The following ASPG variants were observed in gnomAD, a reference collection of about 807,000 sequenced individuals.
ASPG encodes the protein 60 kDa lysophospholipase.
Under a neutral mutation model 63.2 loss-of-function variants are expected in ASPG, and 53 were observed. The ratio of observed to expected loss-of-function variants is 0.84; its 90% CI spans 0.67 to 1.05. The LOEUF is 1.05. ASPG is among the 50% of genes least tolerant of loss of function. ASPG has a pLI of 0.00. For synonymous variants in ASPG, 370 were observed against 355.0 expected (o/e 1.04, Z -0.48); for missense variants, 741 against 794.4 (o/e 0.93, Z 0.81).
Position 104,107,232 on chromosome 14 carries a change from G to A in ASPG, c.1320G>A (p.Ala440=), listed in dbSNP as rs377384245. ...VDFNGQTPLH[A]AARGGHTEAV... ...TTAACGGCCAAACCCCACTGCACGCGGCCGCCCGGGGAGGCCACACAGAGG... is the reference window on the plus strand; with the variant it reads ...TTAACGGCCAAACCCCACTGCACGCAGCCGCCCGGGGAGGCCACACAGAGG... The change falls in exon 12 of 16, where the codon GCG becomes GCA. Residue 440 remains alanine, a synonymous_variant. Coordinates refer to ENST00000551177, the MANE Select transcript of ASPG (RefSeq NM_001080464.3). 1.5e-5 allele frequency: 24 copies of A among 1,605,544 alleles called. No individual in the cohort carries two copies. Among genetic ancestry groups the A allele is most frequent in the East Asian group, 6.7e-5 (3 of 44,758 alleles).
In ASPG at chr14:104,095,663, C is replaced by T; in HGVS notation, c.429+7C>T. The T allele has an allele frequency of 6.2e-7, 1 of 1,612,302 alleles. No individual in the cohort carries two copies. Among genetic ancestry groups the T allele is most frequent in the Non-Finnish European group, 8.5e-7 (1 of 1,179,730 alleles). On this transcript the variant is annotated splice_region_variant and intron_variant, in intron 4 of 15. Coordinates refer to ENST00000551177, the MANE Select transcript of ASPG (RefSeq NM_001080464.3). Reference sequence around the variant, plus strand: ...CATCCTCACTGGGGCCCAGGTAATCCCAGGGGCCCGGGGCTCCTAGGAACA... The same window carrying T: ...CATCCTCACTGGGGCCCAGGTAATCTCAGGGGCCCGGGGCTCCTAGGAACA...
chr14:104,105,365 C>G lies in ASPG; in HGVS notation c.1088C>G (p.Pro363Arg), dbSNP rs778233943. 1 of 1,612,604 alleles carries G rather than the reference C, an allele frequency of 6.2e-7. No individual in the cohort carries two copies. Among genetic ancestry groups the G allele is most frequent in the Admixed American group, 1.7e-5 (1 of 60,002 alleles). ...GACCTTCGGGGGGAGATGACGCCAC[C>G]CTCGGTGGAAGAGCGCCGGCCCTCA... ...TKDLRGEMTPPSVEERRPSLQ... is the reference protein window; with the variant it reads ...TKDLRGEMTPRSVEERRPSLQ... Residue 363 changes from proline (P) to arginine (R), a missense_variant, in exon 10 of 16, where the codon CCC (proline) becomes CGC (arginine). By Grantham distance (103) the Pro-to-Arg change is moderately radical. Transcript: ENST00000551177.
Position 104,103,541 on chromosome 14 carries a change from A to G in ASPG, c.641-22A>G, listed in dbSNP as rs201330065. On this transcript the variant is annotated intron_variant, in intron 6 of 15. Coordinates refer to ENST00000551177, the MANE Select transcript of ASPG (RefSeq NM_001080464.3). ...CTGGCAGGAGGCCTGAAGGCACCAC[A>G]CAGGCCCTTCCCTGTCCTCAGTCAA... The G allele has an allele frequency of 6.3e-4, 969 of 1,542,902 alleles. 5 individuals are homozygous for G. In the African/African-American group the frequency reaches 0.012, roughly 19 times the overall value.
intron 15 of ASPG, among the ~76,000 whole-genome samples, 181 bp downstream of exon 15, chr14:104,112,181 G>C (rs1274940236): frequency 1.3e-5 from 2 of 152,132 alleles, no homozygotes; most frequent in African/African-American, 2.4e-5. Context: ...ACAGTTTAGA[G>C]GTGAGGAGAA....
chr14:104,098,682 G>A (rs530591067), intron 5 of ASPG, among the ~76,000 whole-genome samples, 171 bp from the exon 6 acceptor site: 39 of 152,242 alleles, frequency 2.6e-4, no homozygotes, highest in African/African-American at 7.7e-4. Context: ...GAAAGGGCCC[G>A]AGAGGGGCAG....
chr14:104,105,351 G>A lies in ASPG; in HGVS notation c.1074G>A (p.Gly358=). Residue 358 remains glycine, a synonymous_variant, in exon 10 of 16, where the codon GGG becomes GGA. Coordinates refer to ENST00000551177, the MANE Select transcript of ASPG (RefSeq NM_001080464.3). The part of the protein sequence containing the change: ...RKELLTKDLR[G]EMTPPSVEER... The stretch of plus-strand genomic sequence containing the variant: ...AGCTGCTGACCAAGGACCTTCGGGG[G>A]GAGATGACGCCACCCTCGGTGGAAG... 2 of 1,612,648 alleles carry A rather than the reference G, an allele frequency of 1.2e-6. No individual in the cohort carries two copies. The highest frequency in any genetic ancestry group is 1.3e-5 in the African/African-American group (1 of 75,062).
intron 6 of ASPG, among the ~76,000 whole-genome samples, chr14:104,102,466 C>T (rs186565372): frequency 2.6e-5 from 4 of 152,180 alleles, no homozygotes; most frequent in Admixed American, 6.5e-5. Flanking sequence ...AGCACCGTGC[C>T]GGGCTCTCCA....
intron 2 of ASPG, chr14:104,093,131 G>C (rs45574040): frequency 8.2e-6 from 4 of 486,126 alleles, no homozygotes; most frequent in Non-Finnish European, 1.5e-5. Context: ...CACAGCTGGG[G>C]GTGAGCTGGG....
chr14:104,111,885 C>T (rs2037394227), intron 14 of ASPG, 35 bp from the exon 15 acceptor site: 3 of 1,541,742 alleles, frequency 1.9e-6, no homozygotes, highest in African/African-American at 1.4e-5. Context: ...TAGTCAGTGG[C>T]CCCAAGGCAG....
chr14:104,103,012 G>A (rs1021512218), intron 6 of ASPG, among the ~76,000 whole-genome samples: 4 of 152,328 alleles, frequency 2.6e-5, no homozygotes, highest in Non-Finnish European at 4.4e-5. Context: ...CCATTTGTTC[G>A]CTCATTCAAC....
chr14:104,089,947 CAAAAAAAA>C (rs58405958), intron 1 of ASPG, among the ~76,000 whole-genome samples: 2 of 56,352 alleles, frequency 3.5e-5, no homozygotes, highest in South Asian at 1.1e-3. Context: ...GACTCTGCCT[CAAAAAAAA>C]AAAAAAAAAA....
In ASPG at chr14:104,105,398, G is replaced by T; in HGVS notation, c.1121G>T (p.Gly374Val). The change falls in exon 10 of 16, where the codon GGC becomes GTC. Residue 374 changes from glycine to valine, a missense_variant. Gly to Val is a moderately radical substitution (Grantham distance 109, BLOSUM62 -3). Transcript: ENST00000551177. ...SVEERRPSLQ[G>V]NTLGGGVSWL... Reference sequence around the variant, plus strand: ...GAAGAGCGCCGGCCCTCACTGCAGGGCAACACGCTGGGCGGTGGGGTCTCC... The same window carrying T: ...GAAGAGCGCCGGCCCTCACTGCAGGTCAACACGCTGGGCGGTGGGGTCTCC... 1.2e-6 allele frequency: 2 copies of T among 1,612,212 alleles called. No homozygotes were observed. Among genetic ancestry groups the T allele is most frequent in the Non-Finnish European group, 1.7e-6 (2 of 1,179,594 alleles).
chr14:104,111,107 C>T (rs1045381937), intron 13 of ASPG: 36 of 985,248 alleles, frequency 3.7e-5, no homozygotes, highest in Middle Eastern at 5.2e-4. Context: ...GTGGGCTGCT[C>T]GGCAGGTGGG....
At chr14:104,092,464 C>T (rs143412964) in intron 1 of ASPG, among the ~76,000 whole-genome samples, 169 bp from the exon 2 acceptor site, 1 of 152,274 alleles carries the variant, frequency 6.6e-6, no homozygotes, top group East Asian at 1.9e-4. Flanking sequence ...GGGTCAGCCG[C>T]CTGCCCTCTG....
Position 104,088,788 on chromosome 14 carries a change from A to G in ASPG, c.82+2936A>G, listed in dbSNP as rs189785809. 3.8e-3 allele frequency among the ~76,000 whole-genome samples: 574 copies of G among 152,244 alleles called. 3 individuals carry two copies. Among genetic ancestry groups the G allele is most frequent in the African/African-American group, 0.013 (530 of 41,550 alleles). ...GACTTCGCTGGTGACAGTGGGGCCC[A>G]TTGTCTTAGAGAGCAAAGCCTCCTT... On this transcript the variant is annotated intron_variant, in intron 1 of 15. Transcript: ENST00000551177.
chr14:104,101,199 C>T (rs893094599), intron 6 of ASPG, among the ~76,000 whole-genome samples: 4 of 152,198 alleles, frequency 2.6e-5, no homozygotes, highest in African/African-American at 9.7e-5. Flanking sequence ...CGGGCCGGTT[C>T]TGGCACCCAG....
chr14:104,085,930 G>T, intron 1 of ASPG, 78 bp downstream of exon 1: 1 of 1,338,072 alleles, frequency 7.5e-7, no homozygotes, highest in East Asian at 2.9e-5. Flanking sequence ...TGCACCCACG[G>T]GGGTCGTTGG....
At chr14:104,088,188 G>A (rs1211080079) in intron 1 of ASPG, among the ~76,000 whole-genome samples, 1 of 152,214 alleles carries the variant, frequency 6.6e-6, no homozygotes, top group Non-Finnish European at 1.5e-5. Context: ...TCCCTGGGGA[G>A]GTGAGAGGGG....
In ASPG at chr14:104,109,160, G is replaced by A; in HGVS notation, c.1434-69G>A. The A allele has an allele frequency of 1.3e-6, 2 of 1,583,010 alleles. No homozygotes were observed. Among genetic ancestry groups the A allele is most frequent in the Non-Finnish European group, 1.7e-6 (2 of 1,165,796 alleles). ...TGTGCACAGGACATGAGCTCTGCTG[G>A]CTCCTGAGTGAGGTGCAGCGGGGCT... is the stretch of plus-strand genomic sequence containing the variant. On this transcript the variant is annotated intron_variant, in intron 12 of 15. Coordinates refer to ENST00000551177, the MANE Select transcript of ASPG (RefSeq NM_001080464.3). The surrounding 1 kb of genome is among the most constrained non-coding windows in gnomAD (Gnocchi z 4.8).
Sources: allele counts gnomAD v4.1 joint callset (sites outside exome capture counted in the v4.1 genomes callset), GRCh38; gene constraint gnomAD v4.1.1; non-coding constraint Gnocchi (gnomAD v3.1); transcripts MANE v1.5; gene names NCBI Gene and HGNC (gene_info 2026-07-23, HGNC 2026-07-21).